Variants in SMARCA2 observed in about 807,000 individuals in gnomAD.
SMARCA2 encodes SWI/SNF related BAF chromatin remodeling complex subunit ATPase 2.
In SMARCA2, 61 loss-of-function variants were observed where a neutral mutation model predicts 199.8. The observed-to-expected ratio is 0.31, with a 90% CI of 0.25 to 0.38. The LOEUF is 0.38. Ranked by LOEUF, SMARCA2 falls within the 10% of genes least tolerant of loss-of-function variation. The pLI is 1.00. For missense variants in SMARCA2, 1,344 were observed against 2,012.2 expected (o/e 0.67, Z 6.35); for synonymous variants, 935 against 732.0 (o/e 1.28, Z -4.48).
chr9:2,174,138 A>G (rs1826406068), intron 29 of SMARCA2, among the ~76,000 whole-genome samples: 1 of 152,048 alleles, frequency 6.6e-6, no homozygotes, highest in South Asian at 2.1e-4. Context: ...ATCTTCCAGC[A>G]TTAGCCTGGC....
intron 31 of SMARCA2, among the ~76,000 whole-genome samples, chr9:2,185,361 C>T (rs1269641003): frequency 6.6e-6 from 1 of 152,206 alleles, no homozygotes. Context: ...CTTTTTAAGA[C>T]TGAATAATAT....
chr9:2,116,148 C>G, intron 25 of SMARCA2, 99 bp downstream of exon 25: 1 of 868,706 alleles, frequency 1.2e-6, no homozygotes, highest in Middle Eastern at 2.2e-4. Flanking sequence ...CCTGGGCTGG[C>G]GTTAATGAAA....
At chr9:2,182,370 A>G (rs540609444) in intron 31 of SMARCA2, 128 bp downstream of exon 31, 4 of 598,868 alleles carry the variant, frequency 6.7e-6, no homozygotes, top group African/African-American at 3.8e-5. Context: ...CTAAAAGCCT[A>G]TGTTCCTTGC....
rs1263277732 is a variant in SMARCA2 at position 2,110,688 on chromosome 9, G to A, written c.3456+271G>A. 6.6e-6 allele frequency among the ~76,000 whole-genome samples: 1 copy of A among 152,202 alleles called. No homozygotes were observed. The highest frequency in any genetic ancestry group is 2.4e-5 in the African/African-American group (1 of 41,446). ...TCTCTTGGGATTGCCATTGAACAAA[G>A]TATATTTAATGAGGGATAAGTCAAA... On this transcript the variant is annotated intron_variant, in intron 24 of 33. Transcript: ENST00000349721. The surrounding 1 kb of genome is among the most constrained non-coding windows in gnomAD (Gnocchi z 4.8).
At chr9:2,165,004 GA>G (rs1177090912) in intron 28 of SMARCA2, among the ~76,000 whole-genome samples, 6 of 152,122 alleles carry the variant, frequency 3.9e-5, no homozygotes, top group Non-Finnish European at 5.9e-5. Flanking sequence ...CTCAAATTAG[GA>G]GAGCCTTAAT....
At chr9:2,168,086 G>C (rs1312238412) in intron 28 of SMARCA2, among the ~76,000 whole-genome samples, 1 of 149,282 alleles carries the variant, frequency 6.7e-6, no homozygotes, top group African/African-American at 2.5e-5. Flanking sequence ...CTGGAGTGCA[G>C]TGGCAACATC....
chr9:2,135,751 C>A (rs1372107546), intron 27 of SMARCA2, among the ~76,000 whole-genome samples: 1 of 152,190 alleles, frequency 6.6e-6, no homozygotes, highest in Non-Finnish European at 1.5e-5. Context: ...CCATGTTGGT[C>A]AGCCTGGTCT....
intron 27 of SMARCA2, among the ~76,000 whole-genome samples, chr9:2,132,367 C>A (rs952421894): frequency 2.0e-5 from 3 of 152,202 alleles, no homozygotes; most frequent in African/African-American, 4.8e-5. Context: ...TTGAATCACT[C>A]AGCTCTGTTT....
At chr9:2,184,750 A>G (rs1014424209) in intron 31 of SMARCA2, among the ~76,000 whole-genome samples, 1 of 151,948 alleles carries the variant, frequency 6.6e-6, no homozygotes, top group Non-Finnish European at 1.5e-5. Flanking sequence ...TTTCCTTTCT[A>G]AAAAGCCCCT....
intron 15 of SMARCA2, 35 bp from the exon 16 acceptor site, chr9:2,083,312 T>A (rs1397490485): frequency 7.2e-7 from 1 of 1,386,808 alleles, no homozygotes; most frequent in Non-Finnish European, 1.0e-6. Context: ...TATACAAATG[T>A]CTTTTTTCTG....
At chr9:2,026,341 A>G (rs1023417894) in intron 1 of SMARCA2, among the ~76,000 whole-genome samples, 4 of 152,152 alleles carry the variant, frequency 2.6e-5, no homozygotes, top group African/African-American at 4.8e-5. Flanking sequence ...ACACGTTCCT[A>G]TATTAACATT....
intron 8 of SMARCA2, among the ~76,000 whole-genome samples, chr9:2,058,705 C>T (rs554784936): frequency 4.6e-5 from 7 of 152,184 alleles, no homozygotes; most frequent in East Asian, 3.9e-4. Flanking sequence ...GGTGGCATTG[C>T]GCGGTACACA....
Position 2,039,787 on chromosome 9 carries a change from A to C in SMARCA2, c.677A>C (p.Gln226Pro), listed in dbSNP as rs147609454. Residue 226 changes from glutamine to proline, a missense_variant, in exon 4 of 34, where the codon CAG (glutamine) becomes CCG (proline). Physicochemically the swap from Gln to Pro is moderately conservative, Grantham distance 76 (BLOSUM62 -1). Transcript: ENST00000349721. This position sits in a 1 kb window ranked among gnomAD's most constrained non-coding sequence, Gnocchi z 4.8. ...QQQQQQQQQQ[Q>P]QQQQQQQQQQ... ...CAACAGCAGCAGCAACAGCAGCAGC[A>C]GCAGCAGCAGCAGCAGCAGCAGCAG... 36 of 1,572,332 alleles carry C rather than the reference A, an allele frequency of 2.3e-5. No homozygotes were observed. In the African/African-American group the frequency reaches 3.7e-4, roughly 16 times the overall value.
chr9:2,024,916 G>T (rs1818760382), intron 1 of SMARCA2, among the ~76,000 whole-genome samples: 1 of 152,208 alleles, frequency 6.6e-6, no homozygotes, highest in African/African-American at 2.4e-5. Flanking sequence ...ACACATGTAG[G>T]TGTGTTCAAA....
chr9:2,083,499 G>A lies in SMARCA2; in HGVS notation c.2415+86G>A, dbSNP rs1453802688. 6.3e-6 allele frequency: 5 copies of A among 788,288 alleles called. No individual in the cohort carries two copies. In the South Asian group the frequency reaches 8.3e-5, roughly 13 times the overall value. The allele number at this position is 788,288 out of a possible 1,614,324, so 48.8% of individuals were successfully genotyped here. A position where few individuals can be genotyped will look rare whatever the true frequency, so the allele number is the denominator to read the frequency against. On this transcript the variant is annotated intron_variant, in intron 16 of 33. Coordinates refer to ENST00000349721, the MANE Select transcript of SMARCA2 (RefSeq NM_003070.5). ...CATTCCATATGCACATCTGTGAACT[G>A]TATTTGGTTGTAAAGTTTTGTCATG...
chr9:2,087,822 G>A (rs1409483463), intron 18 of SMARCA2, among the ~76,000 whole-genome samples: 1 of 152,162 alleles, frequency 6.6e-6, no homozygotes, highest in Non-Finnish European at 1.5e-5. Flanking sequence ...TGAGGCACAT[G>A]GGCCCATCCT....
At chr9:2,037,705 T>G (rs1218699531) in intron 3 of SMARCA2, among the ~76,000 whole-genome samples, 1 of 152,210 alleles carries the variant, frequency 6.6e-6, no homozygotes, top group Non-Finnish European at 1.5e-5. Flanking sequence ...AATAAACACT[T>G]ATGTGATGAC....
At chr9:2,075,783 G>T (rs75925517) in intron 12 of SMARCA2, among the ~76,000 whole-genome samples, 2 of 151,992 alleles carry the variant, frequency 1.3e-5, no homozygotes, top group African/African-American at 2.4e-5. Context: ...TCAGCCCCCC[G>T]AGTAGCTGGG....
chr9:2,080,255 G>T (rs1016177327), intron 14 of SMARCA2: 1 of 152,202 alleles, frequency 6.6e-6, no homozygotes, highest in Non-Finnish European at 1.5e-5. Context: ...CTCCTAGAGA[G>T]CCACATAAGC....
Sources: allele counts gnomAD v4.1 joint callset (sites outside exome capture counted in the v4.1 genomes callset), GRCh38; gene constraint gnomAD v4.1.1; non-coding constraint Gnocchi (gnomAD v3.1); transcripts MANE v1.5; gene names NCBI Gene and HGNC (gene_info 2026-07-23, HGNC 2026-07-21).